Variants in PLXDC2 observed in about 807,000 individuals in gnomAD.
The protein encoded by PLXDC2 is plexin domain-containing protein 2.
A neutral mutation model predicts 68.9 loss-of-function variants in PLXDC2; 40 were observed. That is an observed-to-expected ratio of 0.58 (90% confidence interval 0.45 to 0.76). The LOEUF is 0.76. Among genes scored for constraint, PLXDC2 ranks in the 30% least tolerant of loss-of-function variants. The pLI, the probability that PLXDC2 is intolerant of heterozygous loss-of-function variation, is 0.00. For missense variants in PLXDC2, 644 were observed against 661.9 expected (o/e 0.97, Z 0.30); for synonymous variants, 243 against 234.2 (o/e 1.04, Z -0.34).
At chr10:20,130,401 G>C (rs568656717) in intron 4 of PLXDC2, among the ~76,000 whole-genome samples, 83 of 152,144 alleles carry the variant, frequency 5.5e-4, no homozygotes, top group African/African-American at 1.9e-3. Flanking sequence ...ACAGGTTTTT[G>C]GAGGAGTTTT....
intron 13 of PLXDC2, 109 bp downstream of exon 13, chr10:20,245,614 T>C: frequency 7.7e-7 from 1 of 1,294,020 alleles, no homozygotes; most frequent in East Asian, 2.4e-5. Flanking sequence ...ATTTTTCAGT[T>C]CAAGCTTTCT....
chr10:19,885,176 C>G (rs1837818525), intron 1 of PLXDC2, among the ~76,000 whole-genome samples: 1 of 152,030 alleles, frequency 6.6e-6, no homozygotes, highest in African/African-American at 2.4e-5. Context: ...TGTTCATGTC[C>G]TTTGCCCACT....
intron 1 of PLXDC2, among the ~76,000 whole-genome samples, chr10:19,865,913 C>T (rs1837405951): frequency 6.6e-6 from 1 of 152,130 alleles, no homozygotes; most frequent in African/African-American, 2.4e-5. Context: ...ACATGGCTAC[C>T]ATTGCCACAT....
At chr10:20,250,785 A>T (rs1025817743) in intron 13 of PLXDC2, among the ~76,000 whole-genome samples, 2 of 152,364 alleles carry the variant, frequency 1.3e-5, no homozygotes, top group Middle Eastern at 3.4e-3. Flanking sequence ...GAATGGTATA[A>T]AAGAACTTAG....
At chr10:20,238,946 G>T (rs1835477948) in intron 12 of PLXDC2, among the ~76,000 whole-genome samples, 1 of 151,496 alleles carries the variant, frequency 6.6e-6, no homozygotes. Flanking sequence ...GATTTTCTCT[G>T]CTTCATTTTA....
intron 2 of PLXDC2, among the ~76,000 whole-genome samples, chr10:20,016,916 T>TA (rs1462626055): frequency 6.6e-6 from 1 of 152,158 alleles, no homozygotes; most frequent in Non-Finnish European, 1.5e-5. Context: ...TGAGGGGGCT[T>TA]ACAGGGAAAG....
chr10:19,816,983 G>T lies in PLXDC2; in HGVS notation c.-97G>T. ...AAGGCCTCCGGGTCCTACCGAGACC[G>T]ATCCGCAGCGTTTGGCCCGGTCGTG... On this transcript the variant is annotated 5_prime_UTR_variant, in exon 1 of 14. Coordinates refer to ENST00000377252, the MANE Select transcript of PLXDC2 (RefSeq NM_032812.9). 5 of 867,290 alleles carry T rather than the reference G, an allele frequency of 5.8e-6. No individual in the cohort carries two copies. Among genetic ancestry groups the T allele is most frequent in the South Asian group, 3.1e-5 (2 of 65,008 alleles). 53.7% of individuals were successfully genotyped at this position (867,290 alleles called of 1,614,324 possible). A position where few individuals can be genotyped will look rare whatever the true frequency, so the allele number is the denominator to read the frequency against.
intron 1 of PLXDC2, among the ~76,000 whole-genome samples, chr10:19,969,014 T>C (rs16919625): frequency 0.025 from 3,872 of 152,336 alleles, 165 homozygotes; most frequent in African/African-American, 0.088. Context: ...TTTTAATAGC[T>C]GAAGAACCTC....
At chr10:20,012,267 A>G (rs142587821) in intron 2 of PLXDC2, among the ~76,000 whole-genome samples, 2 of 147,650 alleles carry the variant, frequency 1.4e-5, no homozygotes, top group African/African-American at 5.0e-5. Flanking sequence ...CAGATCTAAG[A>G]TAGATAAGGG....
chr10:19,888,604 C>T (rs777672175), intron 1 of PLXDC2, among the ~76,000 whole-genome samples: 11 of 151,882 alleles, frequency 7.2e-5, no homozygotes, highest in South Asian at 2.1e-4. Context: ...CACTTGCAGG[C>T]GAGGGATACA....
In PLXDC2 at chr10:20,260,825, G is replaced by C. The variant is rs538685414; in HGVS notation, c.1473+15320G>C. ...ACATTTCCCCCAACAATGTACAAAG[G>C]TTCCCTCTTCTCCACACCCTTCCCA... is the stretch of plus-strand genomic sequence containing the variant. On this transcript the variant is annotated intron_variant, in intron 13 of 13. Coordinates refer to ENST00000377252, the MANE Select transcript of PLXDC2 (RefSeq NM_032812.9). 2.0e-4 allele frequency among the ~76,000 whole-genome samples: 30 copies of C among 152,178 alleles called. 1 individual carries two copies. Among genetic ancestry groups the C allele is most frequent in the Admixed American group, 1.8e-3 (28 of 15,282 alleles).
At chr10:20,035,425 G>C (rs922022776) in intron 2 of PLXDC2, among the ~76,000 whole-genome samples, 1 of 152,128 alleles carries the variant, frequency 6.6e-6, no homozygotes, top group Non-Finnish European at 1.5e-5. Context: ...GGCAAGATGT[G>C]GTGGCTCATG....
At position 19,943,467 on chromosome 10, in the gene PLXDC2, T is replaced by C. The variant is rs144753586; in HGVS notation, c.113-58308T>C. On this transcript the variant is annotated intron_variant, in intron 1 of 13. Coordinates refer to ENST00000377252, the MANE Select transcript of PLXDC2 (RefSeq NM_032812.9). ...CCTTTGCAGAGTGAAAATTCTTTAA[T>C]TGAGAAGACATTATGTAAAATTCAT... Among the ~76,000 whole-genome samples the C allele has an allele frequency of 2.5e-3, 376 of 152,336 alleles. 2 individuals carry two copies. Among genetic ancestry groups the C allele is most frequent in the African/African-American group, 8.5e-3 (355 of 41,574 alleles).
chr10:20,241,631 T>C (rs1390020552), intron 12 of PLXDC2, among the ~76,000 whole-genome samples: 1 of 151,426 alleles, frequency 6.6e-6, no homozygotes, highest in Non-Finnish European at 1.5e-5. Flanking sequence ...ACAAAAAAAT[T>C]AACCAGGCAT....
At chr10:20,032,883 C>T (rs1268030458) in intron 2 of PLXDC2, among the ~76,000 whole-genome samples, 1 of 151,766 alleles carries the variant, frequency 6.6e-6, no homozygotes, top group Non-Finnish European at 1.5e-5. Flanking sequence ...GTTAGTTACA[C>T]TTATTACCCA....
In PLXDC2 at chr10:20,284,330, T is replaced by TGTATATATATATATATATAC. The variant is rs1836120399; in HGVS notation, c.*4511_*4512insGTATATATATATATATATAC. 2 of 126,334 alleles carry TGTATATATATATATATATAC rather than the reference T, an allele frequency of 1.6e-5. No homozygotes were observed. Among genetic ancestry groups the TGTATATATATATATATATAC allele is most frequent in the African/African-American group, 5.8e-5 (2 of 34,312 alleles). The allele number at this position is 126,334 out of a possible 1,614,324, so 7.8% of individuals were successfully genotyped here. A position where few individuals can be genotyped will look rare whatever the true frequency, so the allele number is the denominator to read the frequency against. Reference sequence around the variant, plus strand: ...AAATATACATATATATATATATATATACACACACACACACACACACACAAA... The same window carrying TGTATATATATATATATATAC: ...AAATATACATATATATATATATATATGTATATATATATATATATACACACACACACACACACACACACAAA... On this transcript the variant is annotated 3_prime_UTR_variant, in exon 14 of 14. Transcript: ENST00000377252.
chr10:19,894,233 C>A, intron 1 of PLXDC2, among the ~76,000 whole-genome samples: 1 of 150,312 alleles, frequency 6.7e-6, no homozygotes, highest in Middle Eastern at 3.5e-3. Flanking sequence ...AAACGTAAAA[C>A]AAAACAAAAC....
intron 1 of PLXDC2, among the ~76,000 whole-genome samples, chr10:19,923,466 T>A (rs2131382754): frequency 6.6e-6 from 1 of 152,336 alleles, no homozygotes; most frequent in East Asian, 1.9e-4. Context: ...TTCATGCTAA[T>A]AAAATGTCAT....
chr10:20,011,874 A>T (rs900234621), intron 2 of PLXDC2, among the ~76,000 whole-genome samples: 10 of 152,246 alleles, frequency 6.6e-5, no homozygotes, highest in Admixed American at 3.9e-4. Flanking sequence ...AGTTGGGTAC[A>T]CGAATCACAG....
Sources: gnomAD v4.1 joint callset for allele counts (sites outside exome capture counted in the v4.1 genomes callset) on GRCh38, gnomAD v4.1.1 for gene constraint, MANE v1.5 for transcripts, NCBI Gene and HGNC (gene_info 2026-07-23, HGNC 2026-07-21) for gene names.